Variants in ODR4 observed in about 807,000 individuals in gnomAD.
ODR4 encodes protein odr-4 homolog.
A neutral mutation model predicts 60.2 loss-of-function variants in ODR4; 47 were observed. The observed-to-expected ratio is 0.78, with a 90% CI of 0.62 to 1.00. The LOEUF is 1.00. Among genes scored for constraint, ODR4 ranks in the 50% least tolerant of loss-of-function variants. The pLI is 0.00. For missense variants in ODR4, 488 were observed against 530.8 expected, an observed-to-expected ratio of 0.92 and a Z score of 0.79; for synonymous variants, 178 against 175.5, an observed-to-expected ratio of 1.01 and a Z score of -0.11.
chr1:186,387,072 T>C (rs1660281744), intron 4 of ODR4, among the ~76,000 whole-genome samples: 1 of 152,048 alleles, frequency 6.6e-6, no homozygotes, highest in South Asian at 2.1e-4. Flanking sequence ...TTGAGACATA[T>C]AAAACCCAAC....
chr1:186,402,590 G>A (rs866515442), intron 11 of ODR4, among the ~76,000 whole-genome samples: 2 of 148,508 alleles, frequency 1.3e-5, no homozygotes, highest in African/African-American at 5.0e-5. Context: ...TAACTTTTTT[G>A]TAGAGACAAG....
intron 13 of ODR4, among the ~76,000 whole-genome samples, chr1:186,418,435 C>T (rs546397628): frequency 4.1e-4 from 63 of 151,890 alleles, no homozygotes; most frequent in African/African-American, 1.3e-3. Flanking sequence ...GGACTACAGG[C>T]GCCCGCCACC....
chr1:186,400,876 G>A, intron 11 of ODR4: 1 of 559,944 alleles, frequency 1.8e-6, no homozygotes, highest in Admixed American at 3.2e-5. Flanking sequence ...AGGGCAGTAT[G>A]TGGGACCTGT....
chr1:186,432,188 A>G, the ODR4 span, among the ~76,000 whole-genome samples: 1 of 152,208 alleles, frequency 6.6e-6, no homozygotes, highest in African/African-American at 2.4e-5. Flanking sequence ...CTATAGCTAC[A>G]AACTGTGAGC....
At chr1:186,381,528 C>T (rs1167609196) in intron 2 of ODR4, among the ~76,000 whole-genome samples, 1 of 152,138 alleles carries the variant, frequency 6.6e-6, no homozygotes, top group African/African-American at 2.4e-5. Context: ...GGGGTTTCAC[C>T]GTGTTAGCCA....
chr1:186,403,091 C>T (rs967914218), intron 11 of ODR4, among the ~76,000 whole-genome samples: 13 of 152,012 alleles, frequency 8.6e-5, no homozygotes, highest in African/African-American at 3.1e-4. Context: ...GGAAATTTAG[C>T]ATATTTCAAA....
At chr1:186,387,341 A>G (rs1199026788) in intron 4 of ODR4, among the ~76,000 whole-genome samples, 1 of 152,142 alleles carries the variant, frequency 6.6e-6, no homozygotes, top group Non-Finnish European at 1.5e-5. Context: ...GCATTTTGAA[A>G]TTTAACCGAA....
chr1:186,385,308 A>G (rs12726960), intron 3 of ODR4, among the ~76,000 whole-genome samples: 6,291 of 148,186 alleles, frequency 0.042, 176 homozygotes, highest in Non-Finnish European at 0.061. Flanking sequence ...CAGATCTAGT[A>G]TGCTGCTAAA....
intron 12 of ODR4, among the ~76,000 whole-genome samples, chr1:186,410,966 G>T (rs1661359472): frequency 6.6e-6 from 1 of 151,532 alleles, no homozygotes; most frequent in Admixed American, 6.6e-5. Flanking sequence ...GGTGAGCCAA[G>T]ATCGTGCCAT....
intron 9 of ODR4, among the ~76,000 whole-genome samples, chr1:186,394,734 T>C (rs1558074566): frequency 1.3e-5 from 2 of 152,188 alleles, no homozygotes; most frequent in African/African-American, 4.8e-5. Context: ...TAAAAGCAAT[T>C]TGGCATTTGA....
rs1315381063 is a variant in ODR4, at chr1:186,421,211, G to C, written c.*2135G>C. 6.6e-6 allele frequency: 1 copy of C among 152,156 alleles called. No individual in the cohort carries two copies. 9.4% of individuals were successfully genotyped at this position (152,156 alleles called of 1,614,324 possible). ...TACAAAAGGATGATCTTCAAGAAGG[G>C]AAATGATTCTAAAAGGATTATCTGA... On this transcript the variant is annotated 3_prime_UTR_variant, in exon 14 of 14. Coordinates refer to ENST00000287859, the MANE Select transcript of ODR4 (RefSeq NM_017847.6).
chr1:186,382,987 A>G (rs769973948), intron 2 of ODR4, 35 bp from the exon 3 acceptor site: 3 of 1,557,356 alleles, frequency 1.9e-6, no homozygotes, highest in Non-Finnish European at 2.6e-6. Context: ...GGAATCAGAT[A>G]TCACTCTAAC....
At chr1:186,411,406 G>T (rs1661378103) in intron 12 of ODR4, among the ~76,000 whole-genome samples, 1 of 152,070 alleles carries the variant, frequency 6.6e-6, no homozygotes, top group Non-Finnish European at 1.5e-5. Flanking sequence ...TGTATTGAAA[G>T]TTTCATAGTT....
At chr1:186,382,326 T>C (rs1183152631) in intron 2 of ODR4, among the ~76,000 whole-genome samples, 1 of 150,958 alleles carries the variant, frequency 6.6e-6, no homozygotes, top group Non-Finnish European at 1.5e-5. Context: ...GGGAGACTAC[T>C]TGGGGGGAGG....
At chr1:186,396,426 A>G (rs1402478419) in intron 9 of ODR4, among the ~76,000 whole-genome samples, 4 of 152,060 alleles carry the variant, frequency 2.6e-5, no homozygotes. Context: ...CTGAGCAACA[A>G]GTGAAACCCT....
chr1:186,406,519 C>T (rs1661179630), intron 12 of ODR4, among the ~76,000 whole-genome samples: 1 of 151,970 alleles, frequency 6.6e-6, no homozygotes, highest in Non-Finnish European at 1.5e-5. Flanking sequence ...GCAAGTAGAT[C>T]TTAATAAAAC....
chr1:186,398,327 C>T lies in ODR4; in HGVS notation c.795C>T (p.Asp265=), dbSNP rs184103285. The change falls in exon 10 of 14, where the codon GAC becomes GAT. Residue 265 remains aspartate (D), a synonymous_variant. Coordinates refer to ENST00000287859, the MANE Select transcript of ODR4 (RefSeq NM_017847.6). ...RVLTQLLLNS[D]HRSTATVQIC... The stretch of plus-strand genomic sequence containing the variant: ...TTGTCTTTCAGCTCCTGAATTCAGA[C>T]CACAGATCCACAGCCACAGTCCAGA... 2.4e-4 allele frequency: 379 copies of T among 1,597,488 alleles called. No homozygotes were observed. The African/African-American group carries it at 3.9e-3, about 16-fold the overall frequency.
the ODR4 span, among the ~76,000 whole-genome samples, chr1:186,431,663 A>G: frequency 6.6e-6 from 1 of 152,192 alleles, no homozygotes; most frequent in Non-Finnish European, 1.5e-5. Flanking sequence ...GGGGTAAGGG[A>G]TAGTGTCACT....
At chr1:186,393,213 A>G (rs1278545771) in intron 8 of ODR4, among the ~76,000 whole-genome samples, 5 of 152,190 alleles carry the variant, frequency 3.3e-5, no homozygotes, top group Non-Finnish European at 7.4e-5. Context: ...AATAATCCGT[A>G]TATCAAACCC....
Sources: gnomAD v4.1 joint callset for allele counts (sites outside exome capture counted in the v4.1 genomes callset) on GRCh38, gnomAD v4.1.1 for gene constraint, MANE v1.5 for transcripts, NCBI Gene and HGNC (gene_info 2026-07-23, HGNC 2026-07-21) for gene names.